Variants in TOX2 observed in about 807,000 individuals in gnomAD.
TOX2 encodes the protein TOX high mobility group box family member 2, also known as granulosa cell HMG box 1.
TOX2 carries 15 observed loss-of-function variants against 47.4 expected under a neutral mutation model. The observed-to-expected ratio is 0.32, with a 90% CI of 0.21 to 0.49. The LOEUF (loss-of-function observed/expected upper bound fraction) is 0.49. Among genes scored for constraint, TOX2 ranks in the 20% least tolerant of loss-of-function variants. The pLI is 0.99. For synonymous variants in TOX2, 290 were observed against 296.6 expected, an observed-to-expected ratio of 0.98 and a Z score of 0.23; for missense variants, 622 against 673.1, an observed-to-expected ratio of 0.92 and a Z score of 0.84.
chr20:44,035,957 A>G (rs1339271209), intron 3 of TOX2, among the ~76,000 whole-genome samples: 1 of 152,226 alleles, frequency 6.6e-6, no homozygotes, highest in Non-Finnish European at 1.5e-5. Context: ...GAATGCTAGG[A>G]TGCGCCTTCT....
intron 3 of TOX2, among the ~76,000 whole-genome samples, chr20:44,010,971 T>G (rs2070769021): frequency 6.6e-6 from 1 of 152,124 alleles, no homozygotes; most frequent in East Asian, 1.9e-4. Context: ...GAATCCAGCC[T>G]CGCTTCTCCT....
At chr20:44,019,661 G>A (rs1162342644) in intron 3 of TOX2, among the ~76,000 whole-genome samples, 1 of 152,204 alleles carries the variant, frequency 6.6e-6, no homozygotes, top group Non-Finnish European at 1.5e-5. Context: ...CAGAGCTGTG[G>A]GACTGGGATG....
chr20:43,960,503 T>G (rs2069739038), intron 1 of TOX2, among the ~76,000 whole-genome samples: 1 of 152,200 alleles, frequency 6.6e-6, no homozygotes, highest in Non-Finnish European at 1.5e-5. Context: ...TTGGGACAGG[T>G]GGAGGCCTCC....
chr20:43,928,991 A>AAAAAAAAAAC (rs1555829651), intron 1 of TOX2, among the ~76,000 whole-genome samples: 6 of 150,402 alleles, frequency 4.0e-5, no homozygotes, highest in African/African-American at 1.5e-4. Context: ...GAAAAAAAAA[A>AAAAAAAAAAC]AAAAAAAACA....
chr20:43,963,128 T>A (rs991557474), intron 1 of TOX2, among the ~76,000 whole-genome samples: 1 of 151,434 alleles, frequency 6.6e-6, no homozygotes, highest in African/African-American at 2.4e-5. Flanking sequence ...TTCTAGATGG[T>A]AGAGGTCTAG....
chr20:43,935,587 C>T (rs144102376), intron 1 of TOX2, among the ~76,000 whole-genome samples: 239 of 152,244 alleles, frequency 1.6e-3, no homozygotes, highest in African/African-American at 5.5e-3. Flanking sequence ...AATGGGATAC[C>T]TGAAGCTCAG....
At chr20:44,048,417 T>TA (rs1555845989) in intron 3 of TOX2, among the ~76,000 whole-genome samples, 1 of 139,600 alleles carries the variant, frequency 7.2e-6, no homozygotes, top group Non-Finnish European at 1.5e-5. Context: ...TATATATGTA[T>TA]AATTTACCAA....
intron 1 of TOX2, among the ~76,000 whole-genome samples, chr20:43,971,971 T>C (rs2069978543): frequency 6.6e-6 from 1 of 152,218 alleles, no homozygotes; most frequent in Non-Finnish European, 1.5e-5. Context: ...GTGGTGTTGC[T>C]TTTTGTACTC....
rs2070408366 is a variant in TOX2 at position 43,993,496 on chromosome 20, CA to C, written c.166-13050del. On this transcript the variant is annotated intron_variant, in intron 2 of 8. Coordinates refer to ENST00000341197, the MANE Select transcript of TOX2 (RefSeq NM_001098797.2). ...AGAGGGAGGAATTGAACATCTCTCC[CA>C]GGTACCCAGCTTGAGCCACCGGTAG... Among the ~76,000 whole-genome samples the C allele has an allele frequency of 2.6e-5, 4 of 152,114 alleles. No homozygotes were observed. The South Asian group carries it at 8.3e-4, about 32-fold the overall frequency.
chr20:43,989,431 T>A (rs2070329634), intron 2 of TOX2, among the ~76,000 whole-genome samples: 1 of 152,140 alleles, frequency 6.6e-6, no homozygotes, highest in African/African-American at 2.4e-5. Context: ...AGAAGCAGAA[T>A]CACACAGTCG....
intron 3 of TOX2, chr20:44,007,152 G>C (rs1296215339): frequency 8.2e-6 from 2 of 244,542 alleles, no homozygotes; most frequent in Non-Finnish European, 1.6e-5. Context: ...CCCATTTAAA[G>C]TATACTACTT....
chr20:43,995,061 A>G (rs780383950), intron 2 of TOX2, among the ~76,000 whole-genome samples: 4 of 151,518 alleles, frequency 2.6e-5, no homozygotes, highest in African/African-American at 4.9e-5. Flanking sequence ...GCTTCATTTT[A>G]CCGGTATGGC....
chr20:44,044,272 T>A (rs2071379509), intron 3 of TOX2, among the ~76,000 whole-genome samples: 1 of 151,684 alleles, frequency 6.6e-6, no homozygotes, highest in East Asian at 1.9e-4. Context: ...CACTGGGGCC[T>A]GTTGTGGGGG....
intron 4 of TOX2, among the ~76,000 whole-genome samples, chr20:44,053,522 CATATATATACATATATACT>C (rs138825553): frequency 0.44 from 63,016 of 143,854 alleles, 14,817 homozygotes; most frequent in East Asian, 0.56. Flanking sequence ...TATATATACA[CATATATATACATATATACT>C]ATATATATAC....
rs35627597 is a variant in TOX2, at chr20:44,023,431, G to GAAAAAAA, written c.411+16652_411+16658dup. 3.7e-3 allele frequency among the ~76,000 whole-genome samples: 442 copies of GAAAAAAA among 119,126 alleles called. 6 individuals are homozygous for GAAAAAAA. Among genetic ancestry groups the GAAAAAAA allele is most frequent in the Non-Finnish European group, 5.1e-3 (302 of 59,302 alleles). The allele number at this position is 119,126 out of a possible 152,430, so 78.2% of individuals were successfully genotyped here. A position where few individuals can be genotyped will look rare whatever the true frequency, so the allele number is the denominator to read the frequency against. ...GGTGACAGAGCTAGACTTTATCTCA[G>GAAAAAAA]AAAAAAAAAAAAAAAAAAAGGAGGG... is the stretch of plus-strand genomic sequence containing the variant. On this transcript the variant is annotated intron_variant, in intron 3 of 8. Coordinates refer to ENST00000341197, the MANE Select transcript of TOX2 (RefSeq NM_001098797.2).
At chr20:44,066,994 T>G (rs1600808757) in intron 8 of TOX2, 137 bp downstream of exon 8, 2 of 1,291,736 alleles carry the variant, frequency 1.5e-6, no homozygotes, top group South Asian at 1.5e-5. Context: ...GCTGAGGGGA[T>G]CGATATCTCA....
At chr20:44,028,973 C>G (rs1230773746) in intron 3 of TOX2, among the ~76,000 whole-genome samples, 2 of 152,170 alleles carry the variant, frequency 1.3e-5, no homozygotes. Context: ...GGCCATCCCC[C>G]ACTCACACAC....
Position 43,914,945 on chromosome 20 carries a change from C to G in TOX2, c.54C>G (p.Ala18=). The change falls in exon 1 of 9, where the codon GCC becomes GCG. Residue 18 remains alanine (A), a synonymous_variant. Transcript: ENST00000341197. This position sits in a 1 kb window ranked among gnomAD's most constrained non-coding sequence, Gnocchi z 4.5. ...SAPAVGARPG[A]EPAGLAHLDY... Reference sequence around the variant, plus strand: ...CCGCGGTGGGCGCGCGGCCCGGGGCCGAGCCGGCCGGCCTGGCGCACCTGG... The same window carrying G: ...CCGCGGTGGGCGCGCGGCCCGGGGCGGAGCCGGCCGGCCTGGCGCACCTGG... The G allele has an allele frequency of 8.0e-7, 1 of 1,245,532 alleles. No individual in the cohort carries two copies. The highest frequency in any genetic ancestry group is 1.0e-6 in the Non-Finnish European group (1 of 993,614). 77.2% of individuals were successfully genotyped at this position (1,245,532 alleles called of 1,614,324 possible). A position where few individuals can be genotyped will look rare whatever the true frequency, so the allele number is the denominator to read the frequency against.
At chr20:43,923,483 AG>A (rs1271129943) in intron 1 of TOX2, among the ~76,000 whole-genome samples, 1 of 152,154 alleles carries the variant, frequency 6.6e-6, no homozygotes, top group African/African-American at 2.4e-5. Context: ...AGGCCTGGGG[AG>A]GAGCTGAAAG....
Sources: allele counts gnomAD v4.1 joint callset (sites outside exome capture counted in the v4.1 genomes callset), GRCh38; gene constraint gnomAD v4.1.1; non-coding constraint Gnocchi (gnomAD v3.1); transcripts MANE v1.5; gene names NCBI Gene and HGNC (gene_info 2026-07-23, HGNC 2026-07-21).